The following PLXDC2 variants were observed in gnomAD, a reference collection of about 807,000 sequenced individuals.
PLXDC2 encodes plexin domain-containing protein 2.
In PLXDC2, 40 loss-of-function variants were observed where a neutral mutation model predicts 68.9. The ratio of observed to expected loss-of-function variants is 0.58; its 90% CI spans 0.45 to 0.76. The LOEUF is 0.76. PLXDC2 is among the 30% of genes least tolerant of loss of function. The pLI is 0.00. For synonymous variants in PLXDC2, 243 were observed against 234.2 expected, an observed-to-expected ratio of 1.04 and a Z score of -0.34; for missense variants, 644 against 661.9, an observed-to-expected ratio of 0.97 and a Z score of 0.30.
At position 20,072,459 on chromosome 10, in the gene PLXDC2, GAAGA is replaced by G. The variant is rs1192200562; in HGVS notation, c.541+4234_541+4237del. Among the ~76,000 whole-genome samples the G allele has an allele frequency of 4.0e-4, 47 of 117,072 alleles. 1 individual carries two copies. Among genetic ancestry groups the G allele is most frequent in the East Asian group, 1.0e-3 (4 of 4,004 alleles). The allele number at this position is 117,072 out of a possible 152,430, so 76.8% of individuals were successfully genotyped here. On this transcript the variant is annotated intron_variant, in intron 4 of 13. Coordinates refer to ENST00000377252, the MANE Select transcript of PLXDC2 (RefSeq NM_032812.9). The stretch of plus-strand genomic sequence containing the variant: ...GAAGAAAGAAGGAAAGAAAGAAAAA[GAAGA>G]AAGAAAGAAAGAAGGAACAAAGAAA...
chr10:20,224,170 C>T (rs376386084), intron 12 of PLXDC2, among the ~76,000 whole-genome samples: 8 of 151,902 alleles, frequency 5.3e-5, no homozygotes, highest in Non-Finnish European at 7.4e-5. Context: ...AATGGGATTA[C>T]GCCATGTTGG....
At chr10:20,054,716 G>C (rs1378922836) in intron 3 of PLXDC2, among the ~76,000 whole-genome samples, 1 of 152,006 alleles carries the variant, frequency 6.6e-6, no homozygotes, top group Admixed American at 6.6e-5. Flanking sequence ...GGTGGGGTGA[G>C]GGGGGAGGGA....
chr10:20,270,413 G>A (rs1236323075), intron 13 of PLXDC2, among the ~76,000 whole-genome samples: 1 of 152,176 alleles, frequency 6.6e-6, no homozygotes, highest in Non-Finnish European at 1.5e-5. Context: ...AGCAATTTCT[G>A]AACGTTTCCT....
chr10:19,869,468 A>AGGGG (rs555686208), intron 1 of PLXDC2, among the ~76,000 whole-genome samples: 4 of 44,588 alleles, frequency 9.0e-5, no homozygotes, highest in African/African-American at 2.2e-4. Context: ...AGAGAGAGAA[A>AGGGG]GGGGGGGGGG....
intron 7 of PLXDC2, among the ~76,000 whole-genome samples, chr10:20,176,183 G>C (rs1834524717): frequency 6.6e-6 from 1 of 151,986 alleles, no homozygotes; most frequent in Non-Finnish European, 1.5e-5. Context: ...ACCTTCCTTA[G>C]ATATGATACT....
intron 13 of PLXDC2, among the ~76,000 whole-genome samples, chr10:20,268,627 C>G (rs1332549): frequency 0.59 from 90,217 of 151,982 alleles, 27,721 homozygotes; most frequent in Middle Eastern, 0.76. Context: ...TTCCTAGGGT[C>G]ACTGCTGATT....
chr10:19,952,193 A>T (rs1456006295), intron 1 of PLXDC2, among the ~76,000 whole-genome samples: 2 of 152,202 alleles, frequency 1.3e-5, no homozygotes, highest in African/African-American at 4.8e-5. Flanking sequence ...ATGTAAAAAG[A>T]AAAACAAAGT....
At chr10:20,087,263 C>T (rs978023732) in intron 4 of PLXDC2, among the ~76,000 whole-genome samples, 1 of 152,292 alleles carries the variant, frequency 6.6e-6, no homozygotes, top group South Asian at 2.1e-4. Context: ...CCACCCTCAC[C>T]TCCATACTCT....
At chr10:20,074,219 G>T (rs913798278) in intron 4 of PLXDC2, among the ~76,000 whole-genome samples, 1 of 152,050 alleles carries the variant, frequency 6.6e-6, no homozygotes. Context: ...TTCTACACAG[G>T]TTTCTACTTA....
At chr10:19,846,039 T>C (rs994844618) in intron 1 of PLXDC2, among the ~76,000 whole-genome samples, 1 of 152,192 alleles carries the variant, frequency 6.6e-6, no homozygotes, top group African/African-American at 2.4e-5. Flanking sequence ...ATTTAATTCC[T>C]TCAGGTCAAT....
chr10:19,846,225 GT>G (rs1837007479), intron 1 of PLXDC2, among the ~76,000 whole-genome samples: 1 of 152,178 alleles, frequency 6.6e-6, no homozygotes, highest in African/African-American at 2.4e-5. Context: ...ATTTGGATCT[GT>G]TAGTGGCAGG....
At chr10:20,268,709 C>A (rs1055069074) in intron 13 of PLXDC2, among the ~76,000 whole-genome samples, 2 of 152,172 alleles carry the variant, frequency 1.3e-5, no homozygotes, top group Non-Finnish European at 1.5e-5. Flanking sequence ...AGTAACTTGA[C>A]AAGAACAATT....
chr10:20,142,725 C>T (rs1393560429), intron 4 of PLXDC2, among the ~76,000 whole-genome samples: 1 of 151,776 alleles, frequency 6.6e-6, no homozygotes, highest in African/African-American at 2.4e-5. Flanking sequence ...TGACAGTGTG[C>T]TGATAATATA....
At chr10:20,155,156 A>G (rs1834201675) in intron 6 of PLXDC2, among the ~76,000 whole-genome samples, 2 of 152,208 alleles carry the variant, frequency 1.3e-5, no homozygotes, top group African/African-American at 2.4e-5. Context: ...GTAAGTTTCA[A>G]TGGGGCTCTT....
intron 4 of PLXDC2, among the ~76,000 whole-genome samples, chr10:20,128,375 T>A (rs1031192593): frequency 6.6e-6 from 1 of 152,216 alleles, no homozygotes; most frequent in South Asian, 2.1e-4. Flanking sequence ...CACTGAGATA[T>A]AATTGGCAAA....
intron 1 of PLXDC2, among the ~76,000 whole-genome samples, chr10:19,841,976 A>C (rs988011376): frequency 6.6e-6 from 1 of 152,120 alleles, no homozygotes; most frequent in African/African-American, 2.4e-5. Flanking sequence ...GTCATGCCCC[A>C]CATTAAAAAC....
At chr10:20,230,089 A>ACTAGT (rs1178249346) in intron 12 of PLXDC2, among the ~76,000 whole-genome samples, 1 of 152,220 alleles carries the variant, frequency 6.6e-6, no homozygotes, top group African/African-American at 2.4e-5. Context: ...GACCAAATAC[A>ACTAGT]AACATACTAG....
intron 3 of PLXDC2, among the ~76,000 whole-genome samples, chr10:20,054,517 A>G (rs1354865690): frequency 6.6e-6 from 1 of 151,980 alleles, no homozygotes; most frequent in East Asian, 1.9e-4. Flanking sequence ...GTAGACAGAT[A>G]TATTAATAGA....
At chr10:19,838,347 C>T (rs950173191) in intron 1 of PLXDC2, among the ~76,000 whole-genome samples, 41 of 152,228 alleles carry the variant, frequency 2.7e-4, no homozygotes, top group African/African-American at 8.9e-4. Flanking sequence ...TATTCATTTA[C>T]GTATAAAAGA....
Sources: gnomAD v4.1 joint callset for allele counts (sites outside exome capture counted in the v4.1 genomes callset) on GRCh38, gnomAD v4.1.1 for gene constraint, MANE v1.5 for transcripts, NCBI Gene and HGNC (gene_info 2026-07-23, HGNC 2026-07-21) for gene names.